Variants in PRPS1 observed in about 807,000 individuals in gnomAD.
The protein encoded by PRPS1 is ribose-phosphate pyrophosphokinase 1.
A neutral mutation model predicts 16.9 loss-of-function variants in PRPS1; 1 was observed. That is an observed-to-expected ratio of 0.06 (90% CI 0.02 to 0.28). PRPS1 has a LOEUF of 0.28. Ranked by LOEUF, PRPS1 falls within the 10% of genes least tolerant of loss-of-function variation. PRPS1 has a pLI of 1.00. For synonymous variants in PRPS1, 70 were observed against 90.2 expected (o/e 0.78, Z 1.27); for missense variants, 47 against 254.0 (o/e 0.19, Z 5.54).
Position 107,650,504 on chromosome X carries a change from C to A in PRPS1, c.*472C>A, listed in dbSNP as rs760953456. 1 of 286,429 alleles carries A rather than the reference C, an allele frequency of 3.5e-6. No individual in the cohort carries two copies. The highest frequency in any genetic ancestry group is 6.0e-6 in the Non-Finnish European group (1 of 166,099). The allele number at this position is 286,429 out of a possible 1,213,427, so 23.6% of individuals were successfully genotyped here. A position where few individuals can be genotyped will look rare whatever the true frequency, so the allele number is the denominator to read the frequency against. ...CAAACCTAGTCCTGGTAGCTGAGCACCCTGTAAGGCAGGAGCAGGCAGCTC... is the reference window on the plus strand; with the variant it reads ...CAAACCTAGTCCTGGTAGCTGAGCAACCTGTAAGGCAGGAGCAGGCAGCTC... On this transcript the variant is annotated 3_prime_UTR_variant, in exon 7 of 7. Coordinates refer to ENST00000372435, the MANE Select transcript of PRPS1 (RefSeq NM_002764.4).
intron 4 of PRPS1, among the ~76,000 whole-genome samples, chrX:107,644,383 A>G (rs918820972): frequency 8.1e-5 from 9 of 111,708 alleles, no homozygotes; most frequent in Non-Finnish European, 1.7e-4. Context: ...TGATGAGGAC[A>G]CAGGCATTGG....
At chrX:107,632,736 T>G (rs960301267) in intron 1 of PRPS1, among the ~76,000 whole-genome samples, 5 of 112,564 alleles carry the variant, frequency 4.4e-5, no homozygotes, top group African/African-American at 1.6e-4. Flanking sequence ...AATATTCTTC[T>G]CGATCACTGC....
intron 1 of PRPS1, among the ~76,000 whole-genome samples, chrX:107,631,214 G>T (rs1416368310): frequency 9.0e-6 from 1 of 111,248 alleles, no homozygotes; most frequent in African/African-American, 3.3e-5. Flanking sequence ...TATTATTAAA[G>T]ATTTTAATTT....
In PRPS1 at chrX:107,635,445, A is replaced by ATTT. The variant is rs397896027; in HGVS notation, c.123-3838_123-3836dup. Among the ~76,000 whole-genome samples the ATTT allele has an allele frequency of 2.9e-3, 291 of 99,704 alleles. 3 individuals are homozygous for ATTT. Among genetic ancestry groups the ATTT allele is most frequent in the African/African-American group, 0.01 (280 of 27,320 alleles). 86.6% of individuals were successfully genotyped at this position (99,704 alleles called of 115,157 possible). ...ATGTGAGCAGCATTAAAATTTTCTG[A>ATTT]TTTTTTTTTTTTTTGAGACAGTGTC... On this transcript the variant is annotated intron_variant, in intron 1 of 6. Transcript: ENST00000372435.
Position 107,645,219 on chromosome X carries a change from G to A in PRPS1, c.573G>A (p.Leu191=), listed in dbSNP as rs770518315. 3.1e-4 allele frequency: 377 copies of A among 1,210,794 alleles called. 2 individuals are homozygous for A. Among genetic ancestry groups the A allele is most frequent in the Non-Finnish European group, 2.6e-4 (234 of 895,484 alleles). ...IADRLNVDFA[L]IHKERKKANE... ...ACAGGCTGAATGTGGACTTTGCCTT[G>A]ATTCACAAAGAACGGAAGAAGGCCA... The change falls in exon 5 of 7, where the codon TTG becomes TTA. Residue 191 remains leucine (L), a synonymous_variant. Coordinates refer to ENST00000372435, the MANE Select transcript of PRPS1 (RefSeq NM_002764.4).
intron 5 of PRPS1, among the ~76,000 whole-genome samples, chrX:107,646,598 C>T (rs1925701035): frequency 8.9e-6 from 1 of 112,225 alleles, no homozygotes; most frequent in Non-Finnish European, 1.9e-5. Flanking sequence ...AGATCAACTC[C>T]CTAACATGAT....
chrX:107,630,947 CA>C (rs1925295959), intron 1 of PRPS1, among the ~76,000 whole-genome samples: 1 of 111,430 alleles, frequency 9.0e-6, no homozygotes, highest in Non-Finnish European at 1.9e-5. Flanking sequence ...ATAATAAGTA[CA>C]ACAGTAAATG....
chrX:107,644,546 T>C (rs1256838703), intron 4 of PRPS1, among the ~76,000 whole-genome samples: 2 of 112,060 alleles, frequency 1.8e-5, no homozygotes, highest in African/African-American at 6.5e-5. Flanking sequence ...ATCCATTAAA[T>C]AAACTTGCGT....
intron 5 of PRPS1, 70 bp from the exon 6 acceptor site, chrX:107,647,536 A>G (rs919595063): frequency 6.4e-6 from 7 of 1,099,773 alleles, no homozygotes; most frequent in Admixed American, 2.2e-5. Context: ...GCAGGCTAAT[A>G]TACTCCTCCC....
intron 6 of PRPS1, among the ~76,000 whole-genome samples, 189 bp from the exon 7 acceptor site, chrX:107,649,751 C>CCCAG (rs1232990172): frequency 8.9e-6 from 1 of 112,542 alleles, no homozygotes; most frequent in Non-Finnish European, 1.9e-5. Context: ...AGCCACCGTG[C>CCCAG]CCAGCCGTAA....
At chrX:107,638,255 G>T (rs1925487673) in intron 1 of PRPS1, among the ~76,000 whole-genome samples, 1 of 111,558 alleles carries the variant, frequency 9.0e-6, no homozygotes, top group South Asian at 3.7e-4. Context: ...GACTACAGGC[G>T]TGTGCCACCA....
chrX:107,640,508 C>G lies in PRPS1; in HGVS notation c.307-394C>G, dbSNP rs764172370. Among the ~76,000 whole-genome samples, 4 of 112,350 alleles carry G rather than the reference C, an allele frequency of 3.6e-5. No homozygotes were observed. The South Asian group carries it at 1.4e-3, about 40-fold the overall frequency. ...CTATAATATCTATTCTGTGATGTATCTTCAAACCTTGACATGTTAGGTGTT... is the reference window on the plus strand; with the variant it reads ...CTATAATATCTATTCTGTGATGTATGTTCAAACCTTGACATGTTAGGTGTT... On this transcript the variant is annotated intron_variant, in intron 2 of 6. Coordinates refer to ENST00000372435, the MANE Select transcript of PRPS1 (RefSeq NM_002764.4).
chrX:107,650,213 C>A lies in PRPS1; in HGVS notation c.*181C>A. 1 of 824,701 alleles carries A rather than the reference C, an allele frequency of 1.2e-6. No homozygotes were observed. Among genetic ancestry groups the A allele is most frequent in the Non-Finnish European group, 1.7e-6 (1 of 592,284 alleles). 68.0% of individuals were successfully genotyped at this position (824,701 alleles called of 1,213,427 possible). A position where few individuals can be genotyped will look rare whatever the true frequency, so the allele number is the denominator to read the frequency against. On this transcript the variant is annotated 3_prime_UTR_variant, in exon 7 of 7. Coordinates refer to ENST00000372435, the MANE Select transcript of PRPS1 (RefSeq NM_002764.4). ...GACGGATTGAGATTAACTGCTGGGA[C>A]CTCCTACCTGCATTATCTCATTCTG...
intron 1 of PRPS1, among the ~76,000 whole-genome samples, chrX:107,638,032 C>T (rs764715587): frequency 1.8e-5 from 2 of 109,344 alleles, no homozygotes; most frequent in East Asian, 2.8e-4. Flanking sequence ...CTCTGCCTCC[C>T]GGTTCAAGCA....
chrX:107,639,224 C>A, intron 1 of PRPS1, 71 bp from the exon 2 acceptor site: 3 of 1,108,554 alleles, frequency 2.7e-6, no homozygotes, highest in Middle Eastern at 4.9e-4. Context: ...AGATGTGGAA[C>A]CTATGGATAT....
intron 6 of PRPS1, 140 bp from the exon 7 acceptor site, chrX:107,649,800 C>T: frequency 1.9e-6 from 2 of 1,080,903 alleles, no homozygotes; most frequent in South Asian, 1.9e-5. Context: ...TAGCTGAGTG[C>T]AGCCTCATGA....
At chrX:107,648,533 C>T (rs2078230386) in intron 6 of PRPS1, among the ~76,000 whole-genome samples, 1 of 107,783 alleles carries the variant, frequency 9.3e-6, no homozygotes, top group African/African-American at 3.4e-5. Flanking sequence ...ATCATCCTGT[C>T]TCAGCCTCCC....
chrX:107,634,284 G>A (rs890017965), intron 1 of PRPS1, among the ~76,000 whole-genome samples: 12 of 110,356 alleles, frequency 1.1e-4, no homozygotes, highest in Non-Finnish European at 1.9e-4. Flanking sequence ...GCGCGATCTC[G>A]GTTCACTGCA....
At position 107,650,228 on chromosome X, in the gene PRPS1, A is replaced by G; in HGVS notation, c.*196A>G. ...ACTGCTGGGACCTCCTACCTGCATT[A>G]TCTCATTCTGGCTTCCTTGATAATT... On this transcript the variant is annotated 3_prime_UTR_variant, in exon 7 of 7. Transcript: ENST00000372435. The G allele has an allele frequency of 4.1e-6, 3 of 740,285 alleles. No individual in the cohort carries two copies. Among genetic ancestry groups the G allele is most frequent in the Non-Finnish European group, 5.7e-6 (3 of 522,507 alleles). The allele number at this position is 740,285 out of a possible 1,213,427, so 61.0% of individuals were successfully genotyped here.
Sources: gnomAD v4.1 joint callset for allele counts (sites outside exome capture counted in the v4.1 genomes callset) on GRCh38, gnomAD v4.1.1 for gene constraint, MANE v1.5 for transcripts, NCBI Gene and HGNC (gene_info 2026-07-23, HGNC 2026-07-21) for gene names.